PDE4D: variants seen among roughly 807,000 people sequenced by gnomAD.
PDE4D encodes 3',5'-cyclic-AMP phosphodiesterase 4D.
PDE4D carries 24 observed loss-of-function variants against 87.4 expected under a neutral mutation model. That is an observed-to-expected ratio of 0.27 (90% confidence interval 0.20 to 0.39). The LOEUF (loss-of-function observed/expected upper bound fraction) is 0.39, where lower values mean the gene tolerates loss of function less well. Among genes scored for constraint, PDE4D ranks in the 10% least tolerant of loss-of-function variants. The pLI is 1.00. For missense variants in PDE4D, 714 were observed against 1,041.0 expected (o/e 0.69, Z 4.32); for synonymous variants, 384 against 383.2 (o/e 1.00, Z -0.02).
chr5:59,689,598 A>G (rs535760700), intron 1 of PDE4D, among the ~76,000 whole-genome samples: 2 of 152,232 alleles, frequency 1.3e-5, no homozygotes, highest in South Asian at 2.1e-4. Context: ...TTTATGACAA[A>G]CCCACAGCCA....
chr5:60,417,368 A>C (rs1280287833), intron 1 of PDE4D, among the ~76,000 whole-genome samples: 1 of 152,218 alleles, frequency 6.6e-6, no homozygotes, highest in African/African-American at 2.4e-5. Flanking sequence ...CCTGGAGGGC[A>C]AAAACCAGAC....
At chr5:59,108,918 A>AAAAAAAG in intron 5 of PDE4D, among the ~76,000 whole-genome samples, 1 of 150,008 alleles carries the variant, frequency 6.7e-6, no homozygotes, top group African/African-American at 2.5e-5. Flanking sequence ...AAAAAAAAAA[A>AAAAAAAG]GAAAGAAATT....
At chr5:59,038,534 G>A (rs1758963107) in intron 6 of PDE4D, among the ~76,000 whole-genome samples, 1 of 152,080 alleles carries the variant, frequency 6.6e-6, no homozygotes, top group Non-Finnish European at 1.5e-5. Flanking sequence ...TTTTCAACCG[G>A]GAATCCCAAG....
intron 1 of PDE4D, among the ~76,000 whole-genome samples, chr5:60,227,443 G>T (rs546725322): frequency 1.3e-5 from 2 of 152,004 alleles, no homozygotes; most frequent in East Asian, 2.0e-4. Flanking sequence ...GCACCCGGAT[G>T]AGTCCCTGGC....
intron 2 of PDE4D, among the ~76,000 whole-genome samples, chr5:60,123,518 G>A (rs1020494658): frequency 1.3e-5 from 2 of 152,036 alleles, no homozygotes; most frequent in Non-Finnish European, 2.9e-5. Flanking sequence ...TACCATGAGA[G>A]CAGTATGGGG....
rs1559252 is a variant in PDE4D at position 59,182,038 on chromosome 5, G to A, written c.759-1394C>T. On this transcript the variant is annotated intron_variant, in intron 4 of 14. Transcript: ENST00000340635. Reference sequence around the variant, plus strand: ...CTGGCTCCCTTTCATTGCTCCTAAGGTTATTGGTATCGATTTGGGATTAAA... The same window carrying A: ...CTGGCTCCCTTTCATTGCTCCTAAGATTATTGGTATCGATTTGGGATTAAA... Among the ~76,000 whole-genome samples the A allele has an allele frequency of 4.4e-3, 670 of 152,106 alleles. 31 individuals are homozygous for A. In the East Asian group the frequency reaches 0.11, roughly 25 times the overall value.
chr5:60,016,375 G>A (rs563314641), intron 2 of PDE4D, among the ~76,000 whole-genome samples: 1 of 152,138 alleles, frequency 6.6e-6, no homozygotes, highest in Non-Finnish European at 1.5e-5. Context: ...AATGGTGGTA[G>A]CTGATGACTG....
intron 5 of PDE4D, among the ~76,000 whole-genome samples, chr5:59,157,631 T>C (rs1780448199): frequency 6.6e-6 from 1 of 152,324 alleles, no homozygotes; most frequent in African/African-American, 2.4e-5. Flanking sequence ...ATGAGAAGAA[T>C]GTATATTGGG....
At chr5:59,325,350 A>G (rs1045470150) in intron 1 of PDE4D, among the ~76,000 whole-genome samples, 1 of 152,204 alleles carries the variant, frequency 6.6e-6, no homozygotes, top group Admixed American at 6.5e-5. Flanking sequence ...ACAATGCAGT[A>G]GTATCTTTGC....
intron 1 of PDE4D, among the ~76,000 whole-genome samples, chr5:60,458,386 C>CAAAAAAA (rs61006284): frequency 2.8e-4 from 21 of 75,122 alleles, no homozygotes; most frequent in African/African-American, 3.9e-4. Context: ...GACTTCATTG[C>CAAAAAAA]AAAAAAAAAA....
chr5:60,352,507 G>A (rs536384591), intron 1 of PDE4D, among the ~76,000 whole-genome samples: 1 of 152,300 alleles, frequency 6.6e-6, no homozygotes, highest in South Asian at 2.1e-4. Context: ...GGCTTACCTG[G>A]TGATAGGACC....
intron 1 of PDE4D, among the ~76,000 whole-genome samples, chr5:60,435,364 T>A (rs11745404): frequency 0.016 from 2,363 of 152,244 alleles, 32 homozygotes; most frequent in South Asian, 0.036. Flanking sequence ...ACTTAACATA[T>A]AACTTAAATG....
intron 3 of PDE4D, among the ~76,000 whole-genome samples, chr5:59,937,876 C>T (rs931392378): frequency 3.9e-5 from 6 of 152,166 alleles, no homozygotes; most frequent in East Asian, 1.9e-4. Context: ...TACTTAGCTG[C>T]GATCTTATGC....
chr5:59,959,455 A>C (rs999606917), intron 3 of PDE4D, among the ~76,000 whole-genome samples: 1 of 152,208 alleles, frequency 6.6e-6, no homozygotes, highest in Non-Finnish European at 1.5e-5. Context: ...ACCTGACTTC[A>C]AATTATACTG....
chr5:59,206,707 G>A (rs10051456), intron 2 of PDE4D, among the ~76,000 whole-genome samples: 42,213 of 151,992 alleles, frequency 0.28, 6,045 homozygotes, highest in African/African-American at 0.31. Flanking sequence ...ATGATACCCT[G>A]GCATGGAGTA....
At chr5:59,777,805 T>G (rs1442016757) in intron 1 of PDE4D, among the ~76,000 whole-genome samples, 2 of 152,178 alleles carry the variant, frequency 1.3e-5, no homozygotes, top group African/African-American at 4.8e-5. Flanking sequence ...CAGTATTACA[T>G]AACAAAATCA....
rs915872036 is a variant in PDE4D, at chr5:59,249,633, T to C, written c.456-33665A>G. ...TCCATATAAGTAATGTTTGAAATAA[T>C]GTTAAGTGATATGGAAAAATGCTCA... is the stretch of plus-strand genomic sequence containing the variant. On this transcript the variant is annotated intron_variant, in intron 1 of 14. Transcript: ENST00000340635. Among the ~76,000 whole-genome samples the C allele has an allele frequency of 4.6e-5, 7 of 152,218 alleles. No individual in the cohort carries two copies. In the East Asian group the frequency reaches 1.2e-3, roughly 25 times the overall value.
chr5:60,474,104 C>CTA (rs1561295532), intron 1 of PDE4D, among the ~76,000 whole-genome samples: 18 of 21,224 alleles, frequency 8.5e-4, no homozygotes, highest in Non-Finnish European at 1.6e-3. Flanking sequence ...CTTTGAGCTG[C>CTA]CATATATATA....
chr5:58,994,405 CCGA>C (rs1315123191), intron 6 of PDE4D, among the ~76,000 whole-genome samples: 1 of 152,082 alleles, frequency 6.6e-6, no homozygotes, highest in Non-Finnish European at 1.5e-5. Context: ...TGAAAACAAC[CCGA>C]CGAGGCCTTT....
Sources: allele counts gnomAD v4.1 joint callset (sites outside exome capture counted in the v4.1 genomes callset), GRCh38; gene constraint gnomAD v4.1.1; transcripts MANE v1.5; gene names NCBI Gene and HGNC (gene_info 2026-07-23, HGNC 2026-07-21).